Variants in PAMR1 observed in about 807,000 individuals in gnomAD.
PAMR1 encodes peptidase domain containing associated with muscle regeneration 1.
Under a neutral mutation model 81.8 loss-of-function variants are expected in PAMR1, and 88 were observed. That is an observed-to-expected ratio of 1.08 (90% CI 0.91 to 1.28). The LOEUF is 1.28. Ranked by LOEUF, PAMR1 falls within the 50% of genes most tolerant of loss-of-function variation. The probability of loss-of-function intolerance (pLI) is 0.00; values close to 1 mark genes in which losing one functional copy is unlikely to be tolerated. For synonymous variants in PAMR1, 336 were observed against 345.3 expected (o/e 0.97, Z 0.30); for missense variants, 935 against 919.7 (o/e 1.02, Z -0.21).
At position 35,503,702 on chromosome 11, in the gene PAMR1, C is replaced by T. The variant is rs183756177; in HGVS notation, c.74-9430G>A. 1.8e-3 allele frequency among the ~76,000 whole-genome samples: 273 copies of T among 151,998 alleles called. 1 individual carries two copies. Among genetic ancestry groups the T allele is most frequent in the Middle Eastern group, 0.014 (4 of 292 alleles). ...TTGGTGTATATAAATGCTACTGATT[C>T]TTATAGGTTGATTTGTATTTTATGA... On this transcript the variant is annotated intron_variant, in intron 1 of 10. Coordinates refer to ENST00000619888, the MANE Select transcript of PAMR1 (RefSeq NM_001001991.3).
chr11:35,484,236 A>G (rs1850455942), intron 3 of PAMR1, among the ~76,000 whole-genome samples: 1 of 152,242 alleles, frequency 6.6e-6, no homozygotes, highest in Admixed American at 6.5e-5. Flanking sequence ...CAATTTTGTA[A>G]ATGAGGAAAC....
intron 1 of PAMR1, among the ~76,000 whole-genome samples, chr11:35,512,488 GT>G (rs1324897562): frequency 2.0e-5 from 3 of 152,192 alleles, no homozygotes; most frequent in Non-Finnish European, 2.9e-5. Flanking sequence ...GTTCCTGAGA[GT>G]TCATGCCTCT....
intron 1 of PAMR1, among the ~76,000 whole-genome samples, chr11:35,516,353 A>G (rs1348934132): frequency 1.3e-5 from 2 of 152,236 alleles, no homozygotes; most frequent in African/African-American, 4.8e-5. Flanking sequence ...GTGTGCATGC[A>G]CATGTAAACT....
chr11:35,524,756 T>A (rs1851353704), intron 1 of PAMR1, among the ~76,000 whole-genome samples: 1 of 152,218 alleles, frequency 6.6e-6, no homozygotes, highest in Non-Finnish European at 1.5e-5. Flanking sequence ...TGTCCTCGCT[T>A]CTGCCCTTAG....
chr11:35,474,671 T>C lies in PAMR1; in HGVS notation c.453A>G (p.Glu151=), dbSNP rs539388829. ...LESYPLNAHC[E]WTIHAKPGFV... ...ACCCAGGTTTAGCATGAATGGTCCATTCACAGTGAGCATTTAGGGGATAGC... is the reference window on the plus strand; with the variant it reads ...ACCCAGGTTTAGCATGAATGGTCCACTCACAGTGAGCATTTAGGGGATAGC... Residue 151 remains glutamate (E), a synonymous_variant, in exon 4 of 11, where the codon GAA becomes GAG. Transcript: ENST00000619888. 1 of 1,610,624 alleles carries C rather than the reference T, an allele frequency of 6.2e-7. No individual in the cohort carries two copies. Among genetic ancestry groups the C allele is most frequent in the African/African-American group, 1.3e-5 (1 of 74,860 alleles).
intron 1 of PAMR1, among the ~76,000 whole-genome samples, chr11:35,513,870 A>G (rs527761495): frequency 6.6e-6 from 1 of 152,358 alleles, no homozygotes; most frequent in East Asian, 1.9e-4. Flanking sequence ...ATTCCTTTGA[A>G]AATCACAGTT....
At chr11:35,486,801 A>T (rs116023632) in intron 3 of PAMR1, among the ~76,000 whole-genome samples, 2,207 of 152,180 alleles carry the variant, frequency 0.015, 66 homozygotes, top group African/African-American at 0.051. Flanking sequence ...TTGCATGCAA[A>T]TATTCTTTCC....
intron 6 of PAMR1, among the ~76,000 whole-genome samples, chr11:35,456,360 T>C (rs1195106502): frequency 6.6e-6 from 1 of 152,188 alleles, no homozygotes; most frequent in Non-Finnish European, 1.5e-5. Flanking sequence ...TCAGGTGCAA[T>C]TAATTGCAGT....
At chr11:35,440,642 G>A (rs903468495) in intron 7 of PAMR1, among the ~76,000 whole-genome samples, 6 of 152,200 alleles carry the variant, frequency 3.9e-5, no homozygotes, top group African/African-American at 1.4e-4. Flanking sequence ...AGCAACTAGT[G>A]AATCAATTCA....
chr11:35,498,038 T>C (rs1181071586), intron 1 of PAMR1, among the ~76,000 whole-genome samples: 2 of 152,208 alleles, frequency 1.3e-5, no homozygotes, highest in African/African-American at 4.8e-5. Context: ...GCAAAGACTA[T>C]GAATCCTGTG....
intron 3 of PAMR1, among the ~76,000 whole-genome samples, chr11:35,487,465 A>G (rs1354580079): frequency 1.3e-5 from 2 of 152,088 alleles, no homozygotes; most frequent in Non-Finnish European, 2.9e-5. Flanking sequence ...CAACAAAACA[A>G]CTGGTTTTAC....
chr11:35,446,274 A>G (rs1856290580), intron 6 of PAMR1, among the ~76,000 whole-genome samples: 1 of 151,826 alleles, frequency 6.6e-6, no homozygotes, highest in Non-Finnish European at 1.5e-5. Context: ...ATTAATTTTT[A>G]TTCAAAAAAC....
intron 2 of PAMR1, 101 bp downstream of exon 2, chr11:35,493,995 C>T: frequency 1.2e-6 from 1 of 862,736 alleles, no homozygotes; most frequent in Admixed American, 2.1e-5. Flanking sequence ...GGCACCACAG[C>T]CTCCTGATGG....
At chr11:35,444,360 TC>T (rs1170490272) in intron 6 of PAMR1, among the ~76,000 whole-genome samples, 1 of 152,240 alleles carries the variant, frequency 6.6e-6, no homozygotes, top group African/African-American at 2.4e-5. Context: ...TAGATCCAGT[TC>T]GTCAATTTTT....
At chr11:35,455,361 C>T (rs922199995) in intron 6 of PAMR1, among the ~76,000 whole-genome samples, 1 of 152,196 alleles carries the variant, frequency 6.6e-6, no homozygotes, top group African/African-American at 2.4e-5. Context: ...TCATTCCTAA[C>T]CTGGGAGTGG....
intron 6 of PAMR1, among the ~76,000 whole-genome samples, chr11:35,460,228 G>A (rs1266827646): frequency 1.6e-4 from 24 of 151,972 alleles, no homozygotes; most frequent in Admixed American, 1.6e-3. Context: ...GCTGGTGTCT[G>A]TCTTGGGTCC....
chr11:35,442,316 T>A (rs1856187535), intron 6 of PAMR1, among the ~76,000 whole-genome samples: 1 of 152,228 alleles, frequency 6.6e-6, no homozygotes, highest in South Asian at 2.1e-4. Context: ...GTATTTGATA[T>A]TCATTACAGA....
At chr11:35,498,415 A>T (rs1242276558) in intron 1 of PAMR1, among the ~76,000 whole-genome samples, 1 of 152,154 alleles carries the variant, frequency 6.6e-6, no homozygotes, top group Admixed American at 6.5e-5. Flanking sequence ...CATTTTCTCC[A>T]ATTTAGGCCT....
Position 35,432,701 on chromosome 11 carries a change from G to A in PAMR1, c.1818C>T (p.Asp606=), listed in dbSNP as rs145222740. The part of the protein sequence containing the change: ...ITVAGWNVLA[D]VRSPGFKNDT... ...CGTTCTTGAAGCCAGGGCTCCTCAC[G>A]TCTGCCAGGACATTCCAGCCAGCCA... is the stretch of plus-strand genomic sequence containing the variant. Residue 606 remains aspartate (D), a synonymous_variant, in exon 11 of 11, where the codon GAC becomes GAT. Coordinates refer to ENST00000619888, the MANE Select transcript of PAMR1 (RefSeq NM_001001991.3). 5.9e-5 allele frequency: 95 copies of A among 1,613,742 alleles called. No individual in the cohort carries two copies. The highest frequency in any genetic ancestry group is 3.3e-4 in the Admixed American group (20 of 60,014).
Sources: gnomAD v4.1 joint callset for allele counts (sites outside exome capture counted in the v4.1 genomes callset) on GRCh38, gnomAD v4.1.1 for gene constraint, MANE v1.5 for transcripts, NCBI Gene and HGNC (gene_info 2026-07-23, HGNC 2026-07-21) for gene names.